The following DACH1 variants were observed in gnomAD, a reference collection of about 807,000 sequenced individuals.
DACH1 encodes dachshund homolog 1.
Under a neutral mutation model 54.2 loss-of-function variants are expected in DACH1, and 12 were observed. That is an observed-to-expected ratio of 0.22 (90% CI 0.14 to 0.36). DACH1 has a LOEUF of 0.36. Ranked by LOEUF, DACH1 falls within the 10% of genes least tolerant of loss-of-function variation. The pLI is 1.00. For synonymous variants in DACH1, 386 were observed against 366.2 expected, an observed-to-expected ratio of 1.05 and a Z score of -0.62; for missense variants, 805 against 929.8, an observed-to-expected ratio of 0.87 and a Z score of 1.75.
At chr13:71,612,397 T>C (rs1184600893) in intron 3 of DACH1, among the ~76,000 whole-genome samples, 1 of 152,126 alleles carries the variant, frequency 6.6e-6, no homozygotes, top group East Asian at 1.9e-4. Flanking sequence ...GTTTACCTTA[T>C]GTCATCAAGG....
At position 71,440,430 on chromosome 13, in the gene DACH1, T is replaced by G. The variant is rs1873909974; in HGVS notation, c.*225A>C. The G allele has an allele frequency of 2.2e-6, 1 of 459,054 alleles. No homozygotes were observed. The allele number at this position is 459,054 out of a possible 1,614,324, so 28.4% of individuals were successfully genotyped here. A position where few individuals can be genotyped will look rare whatever the true frequency, so the allele number is the denominator to read the frequency against. On this transcript the variant is annotated 3_prime_UTR_variant, in exon 11 of 11. Coordinates refer to ENST00000613252, the MANE Select transcript of DACH1 (RefSeq NM_080759.6). The stretch of plus-strand genomic sequence containing the variant: ...AATTAACTGTAAGAACTTTGATACT[T>G]GTACATTTACAAACATTCTCAGGTC...
At chr13:71,587,714 T>C (rs543567908) in intron 3 of DACH1, among the ~76,000 whole-genome samples, 3 of 152,200 alleles carry the variant, frequency 2.0e-5, no homozygotes, top group East Asian at 3.9e-4. Flanking sequence ...TTGAAGTAAA[T>C]ATCACCAGAT....
chr13:71,440,827 A>G, intron 10 of DACH1, 135 bp from the exon 11 acceptor site: 1 of 638,984 alleles, frequency 1.6e-6, no homozygotes, highest in Non-Finnish European at 2.7e-6. Context: ...AACATTTTTC[A>G]TATCTTCTCA....
intron 2 of DACH1, among the ~76,000 whole-genome samples, chr13:71,656,599 T>C (rs966796208): frequency 6.6e-6 from 1 of 151,952 alleles, no homozygotes; most frequent in Middle Eastern, 3.2e-3. Context: ...TTTTACTACT[T>C]TATTTCTTCT....
At chr13:71,736,762 GTA>G (rs1383720886) in intron 1 of DACH1, among the ~76,000 whole-genome samples, 1 of 152,172 alleles carries the variant, frequency 6.6e-6, no homozygotes, top group African/African-American at 2.4e-5. Flanking sequence ...TCGATCTGAT[GTA>G]TATGAGTACA....
At chr13:71,733,825 T>A (rs927843448) in intron 1 of DACH1, among the ~76,000 whole-genome samples, 10 of 152,074 alleles carry the variant, frequency 6.6e-5, no homozygotes, top group African/African-American at 1.9e-4. Context: ...TCATAAAAAT[T>A]ATTTCCTATA....
At chr13:71,683,634 T>C (rs1252571728) in intron 1 of DACH1, among the ~76,000 whole-genome samples, 9 of 152,096 alleles carry the variant, frequency 5.9e-5, no homozygotes, top group Admixed American at 5.9e-4. Flanking sequence ...GTCGTGCTTA[T>C]TGTTCTTGAA....
At position 71,654,443 on chromosome 13, in the gene DACH1, A is replaced by G. The variant is rs188362595; in HGVS notation, c.965-23726T>C. 2.2e-3 allele frequency among the ~76,000 whole-genome samples: 285 copies of G among 131,194 alleles called. 2 individuals are homozygous for G. Among genetic ancestry groups the G allele is most frequent in the Middle Eastern group, 7.9e-3 (2 of 254 alleles). 86.1% of individuals were successfully genotyped at this position (131,194 alleles called of 152,430 possible). A position where few individuals can be genotyped will look rare whatever the true frequency, so the allele number is the denominator to read the frequency against. ...ATAAAATAAAATAAAATAAAATAAAATAAAATAAAATAAAGTAAAATAAAA... is the reference window on the plus strand; with the variant it reads ...ATAAAATAAAATAAAATAAAATAAAGTAAAATAAAATAAAGTAAAATAAAA... On this transcript the variant is annotated intron_variant, in intron 2 of 10. Coordinates refer to ENST00000613252, the MANE Select transcript of DACH1 (RefSeq NM_080759.6).
At chr13:71,839,804 T>TTA (rs1416412645) in intron 1 of DACH1, among the ~76,000 whole-genome samples, 2 of 152,250 alleles carry the variant, frequency 1.3e-5, no homozygotes, top group South Asian at 2.1e-4. Context: ...GATCTTAGAC[T>TTA]TACAATACTG....
chr13:71,846,237 C>A, intron 1 of DACH1: 2 of 251,646 alleles, frequency 7.9e-6, no homozygotes, highest in South Asian at 5.8e-5. Context: ...CGGCATGGTT[C>A]ATGCCAAATT....
intron 1 of DACH1, among the ~76,000 whole-genome samples, chr13:71,844,284 G>A (rs959600135): frequency 1.2e-4 from 19 of 152,194 alleles, no homozygotes; most frequent in East Asian, 3.9e-4. Flanking sequence ...ACATAAGGTC[G>A]TGCATAAATA....
chr13:71,507,291 A>G (rs990076137), intron 6 of DACH1, among the ~76,000 whole-genome samples: 1 of 152,176 alleles, frequency 6.6e-6, no homozygotes, highest in Non-Finnish European at 1.5e-5. Context: ...AATGTATTCT[A>G]AAATCTATTC....
intron 1 of DACH1, among the ~76,000 whole-genome samples, chr13:71,781,346 T>TTTA (rs1886365095): frequency 5.1e-5 from 7 of 137,160 alleles, no homozygotes; most frequent in East Asian, 2.2e-4. Context: ...TCTTTTTTAT[T>TTTA]TTTATTTATT....
chr13:71,475,023 T>C, intron 10 of DACH1, 118 bp downstream of exon 10: 1 of 818,260 alleles, frequency 1.2e-6, no homozygotes, highest in Non-Finnish European at 2.0e-6. Flanking sequence ...AACTTGACCT[T>C]GTTTGAACTT....
rs369721265 is a variant in DACH1 at position 71,533,811 on chromosome 13, G to T, written c.1570+23213C>A. 4.0e-5 allele frequency among the ~76,000 whole-genome samples: 6 copies of T among 151,398 alleles called. No individual in the cohort carries two copies. The South Asian group carries it at 1.2e-3, about 32-fold the overall frequency. On this transcript the variant is annotated intron_variant, in intron 6 of 10. Coordinates refer to ENST00000613252, the MANE Select transcript of DACH1 (RefSeq NM_080759.6). Reference sequence around the variant, plus strand: ...ACACACTTTACTGTATTGATAGCTAGGTATCCAGAATAAAAGAGTACTGAG... The same window carrying T: ...ACACACTTTACTGTATTGATAGCTATGTATCCAGAATAAAAGAGTACTGAG...
chr13:71,821,887 C>G (rs1888202072), intron 1 of DACH1, among the ~76,000 whole-genome samples: 1 of 151,892 alleles, frequency 6.6e-6, no homozygotes, highest in Non-Finnish European at 1.5e-5. Flanking sequence ...ATGGTGAAAC[C>G]CTGTCTCTAC....
intron 3 of DACH1, among the ~76,000 whole-genome samples, chr13:71,612,108 C>G (rs754887228): frequency 6.6e-6 from 1 of 151,980 alleles, no homozygotes; most frequent in Non-Finnish European, 1.5e-5. Context: ...TGATACATAA[C>G]AAAGTTGATA....
At chr13:71,570,078 C>T (rs1008693056) in intron 4 of DACH1, among the ~76,000 whole-genome samples, 1 of 152,164 alleles carries the variant, frequency 6.6e-6, no homozygotes, top group Admixed American at 6.6e-5. Flanking sequence ...ACTTAATTAA[C>T]ATCTATTAGG....
intron 1 of DACH1, among the ~76,000 whole-genome samples, chr13:71,778,028 G>A (rs1886136191): frequency 6.6e-6 from 1 of 151,544 alleles, no homozygotes; most frequent in South Asian, 2.1e-4. Context: ...GAGGTAGGAG[G>A]TTGCAGTGAG....
Sources: allele counts gnomAD v4.1 joint callset (sites outside exome capture counted in the v4.1 genomes callset), GRCh38; gene constraint gnomAD v4.1.1; transcripts MANE v1.5; gene names NCBI Gene and HGNC (gene_info 2026-07-23, HGNC 2026-07-21).